The following GPC5 variants were observed in gnomAD, a reference collection of about 807,000 sequenced individuals.
The protein encoded by GPC5 is glypican 5, also known as glypican-5.
GPC5 carries 47 observed loss-of-function variants against 53.9 expected under a neutral mutation model. That is an observed-to-expected ratio of 0.87 (90% CI 0.69 to 1.11). GPC5 has a LOEUF of 1.11. Among genes scored for constraint, GPC5 ranks in the 50% most tolerant of loss-of-function variants. GPC5 has a pLI of 0.00. For synonymous variants in GPC5, 286 were observed against 263.3 expected (o/e 1.09, Z -0.84); for missense variants, 748 against 713.1 (o/e 1.05, Z -0.56).
intron 4 of GPC5, among the ~76,000 whole-genome samples, chr13:91,749,486 T>A (rs965214601): frequency 6.6e-6 from 1 of 152,222 alleles, no homozygotes; most frequent in Non-Finnish European, 1.5e-5. Context: ...GCGATAAACA[T>A]ACGACTACAG....
chr13:91,422,152 A>G (rs1878683373), intron 1 of GPC5, among the ~76,000 whole-genome samples: 1 of 152,222 alleles, frequency 6.6e-6, no homozygotes, highest in African/African-American at 2.4e-5. Flanking sequence ...TAGAAAACCT[A>G]CAAATTCTGA....
intron 7 of GPC5, among the ~76,000 whole-genome samples, chr13:92,322,502 G>C (rs990449598): frequency 3.9e-5 from 6 of 152,256 alleles, no homozygotes; most frequent in African/African-American, 1.4e-4. Flanking sequence ...TAAACAGAAT[G>C]AAAGAACACA....
intron 2 of GPC5, among the ~76,000 whole-genome samples, chr13:91,538,198 A>C (rs369192850): frequency 4.6e-4 from 70 of 152,340 alleles, no homozygotes; most frequent in African/African-American, 1.6e-3. Flanking sequence ...TCTAACCAGC[A>C]GTGGATGCTT....
chr13:92,165,878 A>T (rs536084562), intron 7 of GPC5, among the ~76,000 whole-genome samples: 86 of 152,330 alleles, frequency 5.6e-4, no homozygotes, highest in African/African-American at 1.9e-3. Flanking sequence ...TTTGGCACAG[A>T]TGCATTGAAT....
intron 5 of GPC5, among the ~76,000 whole-genome samples, chr13:91,841,711 G>GA (rs941066603): frequency 6.6e-5 from 10 of 152,022 alleles, no homozygotes; most frequent in African/African-American, 2.4e-4. Context: ...AGGAAGAAAG[G>GA]AAAAATGAGG....
intron 7 of GPC5, among the ~76,000 whole-genome samples, chr13:92,379,854 C>T (rs1456891454): frequency 5.3e-5 from 8 of 152,148 alleles, no homozygotes; most frequent in East Asian, 1.9e-4. Context: ...CTTGTTTTGC[C>T]GCTTCTTGTC....
chr13:92,834,794 ATACT>A (rs1878167802), intron 7 of GPC5, among the ~76,000 whole-genome samples: 2 of 152,142 alleles, frequency 1.3e-5, no homozygotes, highest in Admixed American at 1.3e-4. Flanking sequence ...TGAAGTGACT[ATACT>A]GCTGATCCAG....
At chr13:91,498,765 T>C (rs1368548605) in intron 2 of GPC5, among the ~76,000 whole-genome samples, 1 of 151,850 alleles carries the variant, frequency 6.6e-6, no homozygotes, top group African/African-American at 2.4e-5. Context: ...GAGGTCAAAG[T>C]TCAAGACCAG....
At chr13:92,025,575 A>G (rs1320524584) in intron 6 of GPC5, among the ~76,000 whole-genome samples, 2 of 152,182 alleles carry the variant, frequency 1.3e-5, no homozygotes, top group Non-Finnish European at 2.9e-5. Context: ...CATGTAGTGT[A>G]AACTATGAAA....
At chr13:92,546,387 A>C (rs965791857) in intron 7 of GPC5, among the ~76,000 whole-genome samples, 2 of 152,182 alleles carry the variant, frequency 1.3e-5, no homozygotes, top group East Asian at 3.9e-4. Flanking sequence ...ACACACAGAG[A>C]GCCAAATCAT....
At chr13:92,810,583 C>A (rs970325352) in intron 7 of GPC5, among the ~76,000 whole-genome samples, 2 of 151,862 alleles carry the variant, frequency 1.3e-5, no homozygotes, top group African/African-American at 4.9e-5. Context: ...AATCATTAAG[C>A]AATAACTCCC....
At chr13:92,028,627 TTA>T (rs980285616) in intron 6 of GPC5, among the ~76,000 whole-genome samples, 1 of 152,170 alleles carries the variant, frequency 6.6e-6, no homozygotes, top group Non-Finnish European at 1.5e-5. Context: ...ACTTCATATT[TTA>T]TGTTTGTATT....
chr13:91,564,208 G>A (rs1016719169), intron 2 of GPC5, among the ~76,000 whole-genome samples: 4 of 152,126 alleles, frequency 2.6e-5, no homozygotes, highest in African/African-American at 9.7e-5. Flanking sequence ...TCTTCGTGGT[G>A]ATTTCTTCTT....
intron 7 of GPC5, among the ~76,000 whole-genome samples, chr13:92,744,988 T>C (rs1179070297): frequency 6.6e-6 from 1 of 152,054 alleles, no homozygotes; most frequent in Non-Finnish European, 1.5e-5. Context: ...CTAGTCCTTA[T>C]TGTGTCCTCT....
intron 6 of GPC5, among the ~76,000 whole-genome samples, chr13:91,949,232 T>A (rs1294080495): frequency 6.6e-6 from 1 of 152,224 alleles, no homozygotes; most frequent in Non-Finnish European, 1.5e-5. Flanking sequence ...GTCATCTCCA[T>A]GTGTTTTCAG....
intron 4 of GPC5, among the ~76,000 whole-genome samples, chr13:91,732,925 C>G (rs536612348): frequency 6.6e-5 from 10 of 152,046 alleles, no homozygotes; most frequent in East Asian, 1.9e-4. Context: ...GTTGCTGTAG[C>G]CTTGTACTAT....
intron 5 of GPC5, among the ~76,000 whole-genome samples, chr13:91,850,663 T>C (rs1352439074): frequency 3.3e-5 from 5 of 152,164 alleles, no homozygotes; most frequent in Non-Finnish European, 7.4e-5. Context: ...TCCTTTTTTT[T>C]CAAAGATCTA....
chr13:92,334,683 G>C (rs974118296), intron 7 of GPC5, among the ~76,000 whole-genome samples: 1 of 152,116 alleles, frequency 6.6e-6, no homozygotes, highest in Admixed American at 6.5e-5. Flanking sequence ...GACACAATGG[G>C]AGTACAGGCA....
At chr13:92,351,898 C>T (rs1018401094) in intron 7 of GPC5, among the ~76,000 whole-genome samples, 5 of 152,086 alleles carry the variant, frequency 3.3e-5, no homozygotes, top group Non-Finnish European at 7.4e-5. Context: ...ATGATTCTTT[C>T]TAAATTGATC....
Sources: gnomAD v4.1 joint callset for allele counts (sites outside exome capture counted in the v4.1 genomes callset) on GRCh38, gnomAD v4.1.1 for gene constraint, MANE v1.5 for transcripts, NCBI Gene and HGNC (gene_info 2026-07-23, HGNC 2026-07-21) for gene names.